The following MRTFB variants were observed in gnomAD, a reference collection of about 807,000 sequenced individuals.
The protein encoded by MRTFB is myocardin-related transcription factor B.
A neutral mutation model predicts 104.2 loss-of-function variants in MRTFB; 29 were observed. That is an observed-to-expected ratio of 0.28 (90% CI 0.21 to 0.38). MRTFB has a LOEUF of 0.38. Ranked by LOEUF, MRTFB falls within the 10% of genes least tolerant of loss-of-function variation. The pLI, the probability that MRTFB is intolerant of heterozygous loss-of-function variation, is 1.00. For synonymous variants in MRTFB, 535 were observed against 519.5 expected (o/e 1.03, Z -0.41); for missense variants, 1,270 against 1,341.6 (o/e 0.95, Z 0.83).
chr16:14,213,706 A>C, intron 6 of MRTFB, 86 bp downstream of exon 6: 3 of 1,085,048 alleles, frequency 2.8e-6, no homozygotes, highest in Non-Finnish European at 4.0e-6. Context: ...TTCCCATTTT[A>C]ATAACTTTTT....
chr16:14,049,795 C>T, the MRTFB span, among the ~76,000 whole-genome samples: 4 of 152,254 alleles, frequency 2.6e-5, no homozygotes, highest in South Asian at 2.1e-4. Flanking sequence ...TGCAATGGCA[C>T]GATCTCGGCT....
intron 3 of MRTFB, chr16:14,201,025 G>A (rs1217528320): frequency 4.2e-5 from 62 of 1,486,212 alleles, no homozygotes; most frequent in Non-Finnish European, 5.4e-5. Flanking sequence ...GAAGAGATAA[G>A]TCTTGACTTT....
intron 9 of MRTFB, among the ~76,000 whole-genome samples, chr16:14,234,654 AGGTGGT>A (rs1489047754): frequency 2.0e-5 from 3 of 152,090 alleles, no homozygotes; most frequent in Non-Finnish European, 4.4e-5. Flanking sequence ...AGTTAGCCAG[AGGTGGT>A]GGTGCATGCC....
chr16:14,012,295 C>CTTTTTTTT, the MRTFB span, among the ~76,000 whole-genome samples: 22 of 107,906 alleles, frequency 2.0e-4, 2 homozygotes, highest in African/African-American at 4.7e-4. Flanking sequence ...CTTTTTCTTT[C>CTTTTTTTT]TTTCTTTTTT....
At chr16:14,087,250 A>C (rs2034768319) in intron 2 of MRTFB, among the ~76,000 whole-genome samples, 1 of 152,228 alleles carries the variant, frequency 6.6e-6, no homozygotes, top group South Asian at 2.1e-4. Flanking sequence ...AGAGAACAGT[A>C]GCTTTGGGCC....
the MRTFB span, among the ~76,000 whole-genome samples, chr16:14,002,823 T>C: frequency 6.6e-6 from 1 of 152,148 alleles, no homozygotes; most frequent in African/African-American, 2.4e-5. Context: ...GAATTTCCTC[T>C]TTTGATCTCG....
At chr16:13,997,815 A>G in the MRTFB span, among the ~76,000 whole-genome samples, 25 of 151,134 alleles carry the variant, frequency 1.7e-4, no homozygotes, top group Non-Finnish European at 3.2e-4. Flanking sequence ...AAAAAAAAGA[A>G]TTTTCATTCA....
chr16:14,258,144 T>C lies in MRTFB; in HGVS notation c.2747T>C (p.Ile916Thr). 2 of 1,613,964 alleles carry C rather than the reference T, an allele frequency of 1.2e-6. No individual in the cohort carries two copies. Among genetic ancestry groups the C allele is most frequent in the Non-Finnish European group, 1.7e-6 (2 of 1,179,874 alleles). ...CAGCAGATGGATGACCTCTTTGATA[T>C]CCTCATTAAGAGTGGAGGTAAGTCA... The part of the protein sequence containing the change: ...HSQQMDDLFD[I>T]LIKSGEISLP... Residue 916 changes from isoleucine to threonine, a missense_variant, in exon 16 of 17, where the codon ATC becomes ACC. Ile to Thr is a moderately conservative substitution (Grantham distance 89). Coordinates refer to ENST00000571589, the MANE Select transcript of MRTFB (RefSeq NM_001308142.2).
At chr16:14,164,839 C>G (rs1247701157) in intron 3 of MRTFB, among the ~76,000 whole-genome samples, 1 of 151,688 alleles carries the variant, frequency 6.6e-6, no homozygotes, top group East Asian at 1.9e-4. Flanking sequence ...CTTTATGACA[C>G]CAAAGCCGAT....
At chr16:14,075,785 A>G (rs2034006623) in intron 1 of MRTFB, among the ~76,000 whole-genome samples, 1 of 152,230 alleles carries the variant, frequency 6.6e-6, no homozygotes, top group Non-Finnish European at 1.5e-5. Context: ...CTTATAATTT[A>G]TGGTGATGGC....
chr16:14,251,672 C>T (rs2043261880), intron 13 of MRTFB, among the ~76,000 whole-genome samples, 190 bp from the exon 14 acceptor site: 1 of 152,222 alleles, frequency 6.6e-6, no homozygotes, highest in African/African-American at 2.4e-5. Flanking sequence ...CTGTCTGTGG[C>T]TGCTTTCAGG....
At chr16:14,086,108 AT>A (rs1175389384) in intron 2 of MRTFB, among the ~76,000 whole-genome samples, 1 of 152,244 alleles carries the variant, frequency 6.6e-6, no homozygotes, top group East Asian at 1.9e-4. Context: ...ATTGAGCTAT[AT>A]TTTAAGTGTG....
At chr16:14,202,067 G>C (rs942006825) in intron 3 of MRTFB, among the ~76,000 whole-genome samples, 3 of 151,034 alleles carry the variant, frequency 2.0e-5, no homozygotes, top group African/African-American at 7.3e-5. Context: ...TAGAGTGATA[G>C]CTTTGAAGGT....
chr16:14,042,610 C>A, the MRTFB span, among the ~76,000 whole-genome samples: 11 of 152,154 alleles, frequency 7.2e-5, no homozygotes, highest in Admixed American at 6.5e-5. Context: ...AAATCAGAGA[C>A]TTGTGTGGTT....
In MRTFB at chr16:14,240,351, G is replaced by A. The variant is rs933565693; in HGVS notation, c.946G>A (p.Glu316Lys). Residue 316 changes from glutamate to lysine, a missense_variant, in exon 10 of 17, where the codon GAG becomes AAG. Coordinates refer to ENST00000571589, the MANE Select transcript of MRTFB (RefSeq NM_001308142.2). ...HQYIPPDQKG[E>K]KNEPQMDSNY... ...ATACATTCCACCAGATCAGAAGGGT[G>A]AGAAGAATGAGCCGCAGATGGACTC... The A allele has an allele frequency of 1.9e-6, 3 of 1,614,076 alleles. No homozygotes were observed. The African/African-American group carries it at 4.0e-5, about 22-fold the overall frequency.
At chr16:14,054,041 G>A in the MRTFB span, among the ~76,000 whole-genome samples, 2 of 152,016 alleles carry the variant, frequency 1.3e-5, no homozygotes, top group Non-Finnish European at 2.9e-5. Flanking sequence ...ACTGTTTGAC[G>A]AGTCTATTCT....
the MRTFB span, among the ~76,000 whole-genome samples, chr16:14,018,482 A>G: frequency 6.6e-6 from 1 of 152,338 alleles, no homozygotes; most frequent in Admixed American, 6.5e-5. Flanking sequence ...ATGGTTCTGT[A>G]TCTGGCTCAC....
chr16:14,123,666 A>G (rs1459174049), intron 2 of MRTFB, among the ~76,000 whole-genome samples: 2 of 152,120 alleles, frequency 1.3e-5, no homozygotes. Flanking sequence ...TGTTTTGGTT[A>G]CTAGCCCTGT....
intron 2 of MRTFB, among the ~76,000 whole-genome samples, chr16:14,133,425 C>G (rs1447239734): frequency 1.3e-5 from 2 of 152,200 alleles, no homozygotes; most frequent in African/African-American, 2.4e-5. Context: ...GACTCATGGT[C>G]CCACTACTGC....
Sources: allele counts gnomAD v4.1 joint callset (sites outside exome capture counted in the v4.1 genomes callset), GRCh38; gene constraint gnomAD v4.1.1; transcripts MANE v1.5; gene names NCBI Gene and HGNC (gene_info 2026-07-23, HGNC 2026-07-21).